NSMAF: variants seen among roughly 807,000 people sequenced by gnomAD.
NSMAF encodes neutral sphingomyelinase activation associated factor.
In NSMAF, 90 loss-of-function variants were observed where a neutral mutation model predicts 134.9. That is an observed-to-expected ratio of 0.67 (90% CI 0.56 to 0.79). The LOEUF (loss-of-function observed/expected upper bound fraction) is 0.79. NSMAF is among the 30% of genes least tolerant of loss of function. The pLI, the probability that NSMAF is intolerant of heterozygous loss-of-function variation, is 0.00. For missense variants in NSMAF, 1,010 were observed against 1,119.0 expected (o/e 0.90, Z 1.39); for synonymous variants, 358 against 389.6 (o/e 0.92, Z 0.96).
chr8:58,596,799 G>C (rs1806145004), intron 21 of NSMAF, among the ~76,000 whole-genome samples: 1 of 152,078 alleles, frequency 6.6e-6, no homozygotes, highest in Non-Finnish European at 1.5e-5. Context: ...GTGGTGGCGG[G>C]CGCCTGTAGT....
intron 16 of NSMAF, 188 bp from the exon 17 acceptor site, chr8:58,600,209 T>C: frequency 1.7e-6 from 1 of 594,800 alleles, no homozygotes; most frequent in Non-Finnish European, 3.0e-6. Context: ...AGAGAGTTTA[T>C]GTAACTTCTC....
In NSMAF at chr8:58,600,100, T is replaced by G. The variant is rs957676967; in HGVS notation, c.1281-79A>C. 6 of 995,936 alleles carry G rather than the reference T, an allele frequency of 6.0e-6. No individual in the cohort carries two copies. The Admixed American group carries it at 1.2e-4, about 19-fold the overall frequency. The allele number at this position is 995,936 out of a possible 1,614,324, so 61.7% of individuals were successfully genotyped here. A position where few individuals can be genotyped will look rare whatever the true frequency, so the allele number is the denominator to read the frequency against. ...GCATTTCCTATGCACTTGGGGGCTG[T>G]TCTACACTTTACCTGTATTAACTTC... On this transcript the variant is annotated intron_variant, in intron 16 of 30. Coordinates refer to ENST00000038176, the MANE Select transcript of NSMAF (RefSeq NM_003580.4).
chr8:58,634,891 A>G (rs1163410448), intron 5 of NSMAF, among the ~76,000 whole-genome samples: 1 of 152,184 alleles, frequency 6.6e-6, no homozygotes. Context: ...CTCACCTTCT[A>G]AATAGCTAGG....
chr8:58,644,518 G>T (rs1360588105), intron 1 of NSMAF, among the ~76,000 whole-genome samples: 1 of 152,208 alleles, frequency 6.6e-6, no homozygotes, highest in African/African-American at 2.4e-5. Context: ...CTGCTGGTGG[G>T]AGTGTAAATT....
intron 21 of NSMAF, among the ~76,000 whole-genome samples, chr8:58,596,722 G>T (rs1399289162): frequency 6.6e-6 from 1 of 152,148 alleles, no homozygotes; most frequent in Non-Finnish European, 1.5e-5. Flanking sequence ...GAGGTCAGGA[G>T]ATCGAGACCA....
At chr8:58,630,940 A>C (rs1461398833) in intron 6 of NSMAF, among the ~76,000 whole-genome samples, 1 of 152,210 alleles carries the variant, frequency 6.6e-6, no homozygotes, top group Admixed American at 6.5e-5. Flanking sequence ...ACTCTCTTTT[A>C]GTAGGAGTTA....
At position 58,584,076 on chromosome 8, in the gene NSMAF, C is replaced by A. The variant is rs752899177; in HGVS notation, c.*30G>T. ...GTTTAAAAATGCATTAAATAGAGTT[C>A]AATTTAATATTCAGGAGAGGAAAAG... On this transcript the variant is annotated 3_prime_UTR_variant, in exon 31 of 31. Transcript: ENST00000038176. The A allele has an allele frequency of 9.9e-6, 15 of 1,509,308 alleles. No homozygotes were observed. In the Admixed American group the frequency reaches 1.3e-4, roughly 13 times the overall value. 93.5% of individuals were successfully genotyped at this position (1,509,308 alleles called of 1,614,324 possible). A position where few individuals can be genotyped will look rare whatever the true frequency, so the allele number is the denominator to read the frequency against.
At chr8:58,622,979 T>C (rs1315417075) in intron 9 of NSMAF, among the ~76,000 whole-genome samples, 1 of 152,118 alleles carries the variant, frequency 6.6e-6, no homozygotes, top group Non-Finnish European at 1.5e-5. Context: ...GGCAACACAA[T>C]GTGAAAACAC....
chr8:58,619,308 G>A (rs564808713), intron 9 of NSMAF, among the ~76,000 whole-genome samples: 216 of 152,256 alleles, frequency 1.4e-3, no homozygotes, highest in African/African-American at 4.8e-3. Context: ...CAAGATGACT[G>A]ATTCCCAAAT....
chr8:58,633,187 C>A (rs571710932), intron 5 of NSMAF, among the ~76,000 whole-genome samples: 78 of 152,342 alleles, frequency 5.1e-4, no homozygotes, highest in African/African-American at 1.8e-3. Context: ...CCCACAAGGC[C>A]CCGCATGACA....
Position 58,602,118 on chromosome 8 carries a change from G to C in NSMAF, c.1065C>G (p.Thr355=). 1 of 1,613,166 alleles carries C rather than the reference G, an allele frequency of 6.2e-7. No homozygotes were observed. Among genetic ancestry groups the C allele is most frequent in the Non-Finnish European group, 8.5e-7 (1 of 1,179,348 alleles). Residue 355 remains threonine, a synonymous_variant, in exon 14 of 31, where the codon ACC becomes ACG. Coordinates refer to ENST00000038176, the MANE Select transcript of NSMAF (RefSeq NM_003580.4). ...CTACTGGCTTACTGAGATCCCGGAA[G>C]GTTCCTGGATTTGACAAATCTATAA... ...SSELDLSNPG[T]FRDLSKPVGA... is the part of the protein sequence containing the mutation.
chr8:58,589,539 G>A lies in NSMAF; in HGVS notation c.2124C>T (p.Asp708=). The A allele has an allele frequency of 6.4e-7, 1 of 1,574,654 alleles. No individual in the cohort carries two copies. Among genetic ancestry groups the A allele is most frequent in the Non-Finnish European group, 8.6e-7 (1 of 1,168,408 alleles). ...FYSIAFGRRQ[D]TLMGHDDAVS... ...CAGCATCATCATGTCCCATTAACGTGTCCTGGCGTCTTCCAAATGCTATGG... is the reference window on the plus strand; with the variant it reads ...CAGCATCATCATGTCCCATTAACGTATCCTGGCGTCTTCCAAATGCTATGG... Residue 708 remains aspartate (D), a synonymous_variant, in exon 26 of 31, where the codon GAC becomes GAT. Transcript: ENST00000038176.
intron 1 of NSMAF, 115 bp downstream of exon 1, chr8:58,659,458 C>A (rs1016069562): frequency 6.7e-6 from 10 of 1,494,910 alleles, no homozygotes; most frequent in Non-Finnish European, 8.9e-6. Flanking sequence ...CGTCCGGCCC[C>A]TGCCTCCGTG....
At chr8:58,591,773 A>T (rs1806028380) in intron 23 of NSMAF, among the ~76,000 whole-genome samples, 1 of 151,984 alleles carries the variant, frequency 6.6e-6, no homozygotes, top group South Asian at 2.1e-4. Flanking sequence ...AGGTGTGAGT[A>T]ACTGTGCCCG....
At chr8:58,587,405 G>A (rs1805910104) in intron 27 of NSMAF, among the ~76,000 whole-genome samples, 1 of 152,210 alleles carries the variant, frequency 6.6e-6, no homozygotes, top group Non-Finnish European at 1.5e-5. Context: ...TCAGGGAAAT[G>A]TGCAAAGAAG....
chr8:58,628,816 C>A (rs987284531), intron 6 of NSMAF, among the ~76,000 whole-genome samples: 2 of 152,126 alleles, frequency 1.3e-5, no homozygotes, highest in African/African-American at 4.8e-5. Flanking sequence ...TCTTTGTTGG[C>A]AGGCATTTTT....
chr8:58,624,630 C>T (rs1358943356), intron 6 of NSMAF, among the ~76,000 whole-genome samples: 2 of 151,836 alleles, frequency 1.3e-5, no homozygotes, highest in African/African-American at 4.8e-5. Flanking sequence ...TTATTTTAAT[C>T]CTCTTAAATT....
chr8:58,634,824 T>C (rs1807132370), intron 5 of NSMAF, among the ~76,000 whole-genome samples: 1 of 152,174 alleles, frequency 6.6e-6, no homozygotes, highest in Non-Finnish European at 1.5e-5. Context: ...CAATCCCAAG[T>C]CATTGCCTTG....
rs1232023771 is a variant in NSMAF, at chr8:58,601,280, C to A, written c.1280+5G>T. 3 of 1,611,050 alleles carry A rather than the reference C, an allele frequency of 1.9e-6. No homozygotes were observed. Among genetic ancestry groups the A allele is most frequent in the African/African-American group, 2.7e-5 (2 of 74,846 alleles). The stretch of plus-strand genomic sequence containing the variant: ...AAAATGATAAGCAAGGCATTTGTAT[C>A]AAACCTGTTGAACATTCTATCTGCA... On this transcript the variant is annotated splice_donor_5th_base_variant and intron_variant, in intron 16 of 30. Coordinates refer to ENST00000038176, the MANE Select transcript of NSMAF (RefSeq NM_003580.4).
Sources: allele counts gnomAD v4.1 joint callset (sites outside exome capture counted in the v4.1 genomes callset), GRCh38; gene constraint gnomAD v4.1.1; transcripts MANE v1.5; gene names NCBI Gene and HGNC (gene_info 2026-07-23, HGNC 2026-07-21).